RAP1GAP: variants seen among roughly 807,000 people sequenced by gnomAD.
RAP1GAP encodes the protein rap1 GTPase-activating protein 1.
In RAP1GAP, 35 loss-of-function variants were observed where a neutral mutation model predicts 87.2. The observed-to-expected ratio is 0.40, with a 90% confidence interval of 0.31 to 0.53. The LOEUF is 0.53. RAP1GAP is among the 20% of genes least tolerant of loss of function. The probability of loss-of-function intolerance (pLI) is 0.48; values close to 1 mark genes in which losing one functional copy is unlikely to be tolerated. For missense variants in RAP1GAP, 734 were observed against 898.9 expected, an observed-to-expected ratio of 0.82 and a Z score of 2.35; for synonymous variants, 375 against 363.9, an observed-to-expected ratio of 1.03 and a Z score of -0.35.
At chr1:21,608,497 C>T in intron 16 of RAP1GAP, 147 bp from the exon 17 acceptor site, 2 of 1,097,776 alleles carry the variant, frequency 1.8e-6, no homozygotes, top group South Asian at 3.4e-5. Context: ...GCACCGCCTT[C>T]CCCCAGGCCA....
Position 21,609,967 on chromosome 1 carries a change from CA to C in RAP1GAP, c.999+152del, listed in dbSNP as rs2149276099. Among the ~76,000 whole-genome samples the C allele has an allele frequency of 6.6e-6, 1 of 152,188 alleles. No homozygotes were observed. Among genetic ancestry groups the C allele is most frequent in the East Asian group, 1.9e-4 (1 of 5,172 alleles). ...CTGAGGGGGTGAGCTTTGGGGACGA[CA>C]GGGGGCGTGGTGTGAACAGTGCACC... On this transcript the variant is annotated intron_variant, in intron 14 of 24. Coordinates refer to ENST00000374765, the MANE Select transcript of RAP1GAP (RefSeq NM_002885.4). This position sits in a 1 kb window ranked among gnomAD's most constrained non-coding sequence, Gnocchi z 4.4.
In RAP1GAP at chr1:21,634,777, C is replaced by A; in HGVS notation, c.-112-8380G>T. On this transcript the variant is annotated intron_variant, in intron 2 of 24. Transcript: ENST00000374765. This position sits in a 1 kb window ranked among gnomAD's most constrained non-coding sequence, Gnocchi z 4.1. ...ACCCATTTACCTGCTGTCTATCCAG[C>A]ATCTGTCTCCCTTGCTCAGGTGGCC... The A allele has an allele frequency of 2.1e-6, 1 of 476,386 alleles. No individual in the cohort carries two copies. The highest frequency in any genetic ancestry group is 1.5e-5 in the South Asian group (1 of 65,106). The allele number at this position is 476,386 out of a possible 1,614,324, so 29.5% of individuals were successfully genotyped here. A position where few individuals can be genotyped will look rare whatever the true frequency, so the allele number is the denominator to read the frequency against.
intron 2 of RAP1GAP, among the ~76,000 whole-genome samples, chr1:21,643,330 C>T (rs1275525727): frequency 2.0e-5 from 3 of 152,058 alleles, no homozygotes; most frequent in African/African-American, 7.2e-5. Context: ...GAGGCCGAGA[C>T]GGGCGGATCA....
chr1:21,652,737 C>T (rs2625408), intron 1 of RAP1GAP, among the ~76,000 whole-genome samples: 96,217 of 151,996 alleles, frequency 0.63, 30,558 homozygotes, highest in East Asian at 0.82. Context: ...CACAGTCCAG[C>T]GCTCTTCCTC....
chr1:21,643,598 C>G (rs1466549882), intron 2 of RAP1GAP, among the ~76,000 whole-genome samples: 1 of 151,706 alleles, frequency 6.6e-6, no homozygotes, highest in Admixed American at 6.6e-5. Flanking sequence ...AAAGAAAATC[C>G]CCTCCTTAGC....
At chr1:21,636,097 T>C (rs1333815232) in intron 2 of RAP1GAP, among the ~76,000 whole-genome samples, 1 of 152,150 alleles carries the variant, frequency 6.6e-6, no homozygotes, top group Non-Finnish European at 1.5e-5. Context: ...GTGGAATAAA[T>C]TAGGTATTAT....
At position 21,603,973 on chromosome 1, in the gene RAP1GAP, G is replaced by C. The variant is rs1475517696; in HGVS notation, c.1429-1060C>G. 6 of 1,294,584 alleles carry C rather than the reference G, an allele frequency of 4.6e-6. No individual in the cohort carries two copies. The highest frequency in any genetic ancestry group is 4.7e-5 in the Admixed American group (2 of 42,148). 80.2% of individuals were successfully genotyped at this position (1,294,584 alleles called of 1,614,324 possible). On this transcript the variant is annotated intron_variant, in intron 18 of 24. Transcript: ENST00000374765. The surrounding 1 kb of genome is among the most constrained non-coding windows in gnomAD (Gnocchi z 6.0). ...AGACAGAGAGAGAGTCAGAGAGCAA[G>C]AGAGATGGTGGGAGGGAGACACAGA...
chr1:21,600,569 T>A (rs945843545), intron 20 of RAP1GAP, among the ~76,000 whole-genome samples: 4 of 152,130 alleles, frequency 2.6e-5, no homozygotes, highest in African/African-American at 7.2e-5. Context: ...CTCCCAAGGT[T>A]CCCTGTCACA....
In RAP1GAP at chr1:21,619,930, A is replaced by C. The variant is rs1230535250; in HGVS notation, c.18+85T>G. The C allele has an allele frequency of 3.5e-6, 5 of 1,422,514 alleles. No individual in the cohort carries two copies. In the African/African-American group the frequency reaches 7.1e-5, roughly 20 times the overall value. 88.1% of individuals were successfully genotyped at this position (1,422,514 alleles called of 1,614,324 possible). On this transcript the variant is annotated intron_variant, in intron 4 of 24. Coordinates refer to ENST00000374765, the MANE Select transcript of RAP1GAP (RefSeq NM_002885.4). ...GCGTGGCCTGTCCTCAGGGAGGTGA[A>C]GGGCTGGAGATGCAGCAAGGGCCCC...
At chr1:21,651,755 G>A (rs1289301471) in intron 1 of RAP1GAP, 13 of 1,373,882 alleles carry the variant, frequency 9.5e-6, no homozygotes, top group Non-Finnish European at 1.2e-5. Context: ...CACGCGCCCC[G>A]CCCCGCGCCG....
rs745807589 is a variant in RAP1GAP at position 21,603,714 on chromosome 1, G to A, written c.1429-801C>T. The A allele has an allele frequency of 1.0e-5, 11 of 1,099,120 alleles. No individual in the cohort carries two copies. Among genetic ancestry groups the A allele is most frequent in the Admixed American group, 1.7e-5 (1 of 59,040 alleles). The allele number at this position is 1,099,120 out of a possible 1,614,324, so 68.1% of individuals were successfully genotyped here. On this transcript the variant is annotated intron_variant, in intron 18 of 24. Coordinates refer to ENST00000374765, the MANE Select transcript of RAP1GAP (RefSeq NM_002885.4). The surrounding 1 kb of genome is among the most constrained non-coding windows in gnomAD (Gnocchi z 6.0). ...GAGCTGCCGCCACTCCATCCCGCAC[G>A]CCCTGGGGCCTGTCCCGGGGGCAGA...
In RAP1GAP at chr1:21,617,455, G is replaced by A. The variant is rs1295690744; in HGVS notation, c.142C>T (p.Leu48=). Residue 48 remains leucine (L), a synonymous_variant, in exon 7 of 25, where the codon CTG becomes TTG. Transcript: ENST00000374765. ...ATCCAGTAGCCCCCAAACTGGGGCA[G>A]CAGGATGAGGGGGAAGGGTCCTTCT... ...GREGPFPLIL[L]PQFGGYWIEG... is the part of the protein sequence containing the mutation. 6.2e-7 allele frequency: 1 copy of A among 1,606,058 alleles called. No homozygotes were observed. The highest frequency in any genetic ancestry group is 2.2e-5 in the East Asian group (1 of 44,622).
chr1:21,612,230 A>G, intron 10 of RAP1GAP, 121 bp from the exon 11 acceptor site: 1 of 789,560 alleles, frequency 1.3e-6, no homozygotes, highest in South Asian at 1.6e-5. Flanking sequence ...GATTCTCAGA[A>G]CAAGCCTGGG....
At chr1:21,656,856 T>C (rs1437503758) in intron 1 of RAP1GAP, among the ~76,000 whole-genome samples, 2 of 152,246 alleles carry the variant, frequency 1.3e-5, no homozygotes, top group African/African-American at 4.8e-5. Flanking sequence ...ATGCAGATCA[T>C]GTGGCTTGAA....
rs376234130 is a variant in RAP1GAP at position 21,609,632 on chromosome 1, T to C, written c.1014A>G (p.Ala338=). ...GTCCAAAGAAGGGCACATCATCTCT[T>C]GCAGTGACAGAGACCTGGAAGGGAG... is the stretch of plus-strand genomic sequence containing the variant. The part of the protein sequence containing the change: ...DGPLYKVSVT[A]RDDVPFFGPP... Residue 338 remains alanine (A), a synonymous_variant, in exon 15 of 25, where the codon GCA becomes GCG. Coordinates refer to ENST00000374765, the MANE Select transcript of RAP1GAP (RefSeq NM_002885.4). This position sits in a 1 kb window ranked among gnomAD's most constrained non-coding sequence, Gnocchi z 4.4. The C allele has an allele frequency of 6.3e-7, 1 of 1,581,674 alleles. No homozygotes were observed. Among genetic ancestry groups the C allele is most frequent in the African/African-American group, 1.4e-5 (1 of 73,564 alleles).
intron 1 of RAP1GAP, chr1:21,651,808 CT>C: frequency 7.6e-7 from 1 of 1,317,048 alleles, no homozygotes; most frequent in Non-Finnish European, 9.7e-7. Flanking sequence ...TGAAGCTGCG[CT>C]TCCGGCCGCT....
At chr1:21,626,675 C>G (rs888588252) in intron 2 of RAP1GAP, among the ~76,000 whole-genome samples, 2 of 152,186 alleles carry the variant, frequency 1.3e-5, no homozygotes, top group Non-Finnish European at 2.9e-5. Context: ...GATGAGTAGA[C>G]TGAGGCAGGG....
intron 2 of RAP1GAP, among the ~76,000 whole-genome samples, chr1:21,635,686 G>A (rs1476846155): frequency 6.6e-6 from 1 of 152,224 alleles, no homozygotes; most frequent in East Asian, 1.9e-4. Context: ...AGAAGTCCCT[G>A]CCCCTCACAA....
chr1:21,616,136 AACACACACACAC>A lies in RAP1GAP; in HGVS notation c.291+1158_291+1169del, dbSNP rs58644324. The stretch of plus-strand genomic sequence containing the variant: ...CCCCAAGGAGTCACCCCCTCTTCCC[AACACACACACAC>A]ACACACACACACACACACACACACA... On this transcript the variant is annotated intron_variant, in intron 7 of 24. Transcript: ENST00000374765. Among the ~76,000 whole-genome samples, 576 of 126,884 alleles carry A rather than the reference AACACACACACAC, an allele frequency of 4.5e-3. 3 individuals carry two copies. Among genetic ancestry groups the A allele is most frequent in the East Asian group, 8.6e-3 (39 of 4,538 alleles). 83.2% of individuals were successfully genotyped at this position (126,884 alleles called of 152,430 possible).
Sources: gnomAD v4.1 joint callset for allele counts (sites outside exome capture counted in the v4.1 genomes callset) on GRCh38, gnomAD v4.1.1 for gene constraint, Gnocchi (gnomAD v3.1) non-coding constraint, MANE v1.5 for transcripts, NCBI Gene and HGNC (gene_info 2026-07-23, HGNC 2026-07-21) for gene names.